Variants in SLC9A9 observed in about 807,000 individuals in gnomAD.
SLC9A9 encodes sodium/hydrogen exchanger 9.
SLC9A9 carries 62 observed loss-of-function variants against 77.8 expected under a neutral mutation model. The observed-to-expected ratio is 0.80, with a 90% CI of 0.65 to 0.98. The LOEUF is 0.98. SLC9A9 is among the 50% of genes least tolerant of loss of function. The pLI is 0.00. For synonymous variants in SLC9A9, 320 were observed against 283.5 expected (o/e 1.13, Z -1.29); for missense variants, 775 against 774.9 (o/e 1.00, Z 0.00).
intron 9 of SLC9A9, among the ~76,000 whole-genome samples, chr3:143,541,077 A>C (rs2036682347): frequency 6.6e-6 from 1 of 152,136 alleles, no homozygotes; most frequent in African/African-American, 2.4e-5. Flanking sequence ...CCCTTCCCCC[A>C]CCACCACTTC....
intron 6 of SLC9A9, among the ~76,000 whole-genome samples, chr3:143,613,120 G>T (rs1014643708): frequency 1.3e-5 from 2 of 152,160 alleles, no homozygotes; most frequent in African/African-American, 4.8e-5. Context: ...ATGGCAAACT[G>T]CTTTTAATAT....
At chr3:143,630,641 T>C (rs978815845) in intron 6 of SLC9A9, among the ~76,000 whole-genome samples, 7 of 152,308 alleles carry the variant, frequency 4.6e-5, no homozygotes, top group Non-Finnish European at 8.8e-5. Context: ...TTGAGTTTAC[T>C]AAGTGAAAAT....
intron 2 of SLC9A9, among the ~76,000 whole-genome samples, chr3:143,821,911 G>A (rs11918501): frequency 0.23 from 34,530 of 152,180 alleles, 4,041 homozygotes; most frequent in South Asian, 0.36. Context: ...GCGGGGGTCA[G>A]TGTGCCCGGC....
chr3:143,653,354 T>C (rs2038831876), intron 5 of SLC9A9, among the ~76,000 whole-genome samples: 1 of 152,156 alleles, frequency 6.6e-6, no homozygotes, highest in Admixed American at 6.5e-5. Flanking sequence ...TTAAGCAGAG[T>C]GTGAACAGCA....
In SLC9A9 at chr3:143,495,406, A is replaced by G. The variant is rs763300101; in HGVS notation, c.1132T>C (p.Cys378Arg). The G allele has an allele frequency of 1.2e-6, 2 of 1,614,108 alleles. No homozygotes were observed. The highest frequency in any genetic ancestry group is 1.7e-5 in the Admixed American group (1 of 60,008). ...GTGAACAGTGCCAGGCCCATGTAACAGAAGATGACGTTCTCCGCCAAAAAG... is the reference window on the plus strand; with the variant it reads ...GTGAACAGTGCCAGGCCCATGTAACGGAAGATGACGTTCTCCGCCAAAAAG... ...MNFLAENVIFCYMGLALFTFQ... is the reference protein window; with the variant it reads ...MNFLAENVIFRYMGLALFTFQ... The change falls in exon 10 of 16, where the codon TGT becomes CGT. Residue 378 changes from cysteine to arginine, a missense_variant. By Grantham distance (180) the Cys-to-Arg change is radical (BLOSUM62 -3). Transcript: ENST00000316549.
intron 6 of SLC9A9, among the ~76,000 whole-genome samples, chr3:143,618,818 T>C (rs902218485): frequency 3.3e-5 from 5 of 152,206 alleles, no homozygotes; most frequent in African/African-American, 7.2e-5. Context: ...AGCTATTTAT[T>C]TGAAGAAGAA....
At chr3:143,571,824 A>C (rs967978712) in intron 8 of SLC9A9, among the ~76,000 whole-genome samples, 2 of 152,194 alleles carry the variant, frequency 1.3e-5, no homozygotes, top group African/African-American at 4.8e-5. Context: ...TGCATGGCTT[A>C]TGTTATGAGT....
intron 13 of SLC9A9, among the ~76,000 whole-genome samples, chr3:143,374,984 G>A (rs1376230177): frequency 1.3e-5 from 2 of 152,016 alleles, no homozygotes; most frequent in Non-Finnish European, 2.9e-5. Flanking sequence ...CTAGATCCAT[G>A]AGTTCAATTG....
At chr3:143,820,869 T>C (rs1408069346) in intron 2 of SLC9A9, among the ~76,000 whole-genome samples, 1 of 152,160 alleles carries the variant, frequency 6.6e-6, no homozygotes, top group African/African-American at 2.4e-5. Flanking sequence ...CACTTCAGAA[T>C]ATACAGGAGC....
chr3:143,771,955 C>T (rs530166188), intron 4 of SLC9A9, among the ~76,000 whole-genome samples: 9 of 151,938 alleles, frequency 5.9e-5, no homozygotes, highest in African/African-American at 9.7e-5. Flanking sequence ...ATGCTCAGGA[C>T]GGTCAGAGGG....
At chr3:143,349,213 G>T (rs1294223086) in intron 14 of SLC9A9, among the ~76,000 whole-genome samples, 1 of 152,178 alleles carries the variant, frequency 6.6e-6, no homozygotes, top group Non-Finnish European at 1.5e-5. Flanking sequence ...CACTGAGCTG[G>T]AACAAAGTAA....
intron 1 of SLC9A9, among the ~76,000 whole-genome samples, chr3:143,843,888 A>G (rs2009767237): frequency 1.3e-5 from 2 of 152,194 alleles, no homozygotes; most frequent in Non-Finnish European, 1.5e-5. Context: ...AATTTAAATG[A>G]GTATCATTAT....
chr3:143,270,816 C>T (rs1427120569), intron 14 of SLC9A9, among the ~76,000 whole-genome samples: 2 of 152,176 alleles, frequency 1.3e-5, no homozygotes, highest in South Asian at 2.1e-4. Flanking sequence ...TAATGAACAC[C>T]CTTAAAAAAT....
intron 14 of SLC9A9, among the ~76,000 whole-genome samples, chr3:143,299,365 C>T (rs1341139394): frequency 1.3e-5 from 2 of 152,082 alleles, no homozygotes; most frequent in Non-Finnish European, 2.9e-5. Context: ...GGGCTGCTTG[C>T]TTTAATGGAC....
intron 9 of SLC9A9, among the ~76,000 whole-genome samples, chr3:143,521,985 A>G (rs920998652): frequency 5.9e-5 from 9 of 152,112 alleles, no homozygotes; most frequent in African/African-American, 2.2e-4. Flanking sequence ...TGAAGGTGAC[A>G]TCTTTGTGCT....
chr3:143,381,832 G>A lies in SLC9A9; in HGVS notation c.1524+228C>T. On this transcript the variant is annotated intron_variant, in intron 13 of 15. Coordinates refer to ENST00000316549, the MANE Select transcript of SLC9A9 (RefSeq NM_173653.4). ...ACTTTGTAAAGTTTCCAGACTTCCT[G>A]CTGCCATAGAGAGGCTTGCAAGTAC... 5.4e-6 allele frequency: 3 copies of A among 552,030 alleles called. No homozygotes were observed. In the South Asian group the frequency reaches 6.1e-5, roughly 11 times the overall value. The allele number at this position is 552,030 out of a possible 1,614,324, so 34.2% of individuals were successfully genotyped here. A position where few individuals can be genotyped will look rare whatever the true frequency, so the allele number is the denominator to read the frequency against.
chr3:143,403,723 G>A (rs1288924393), intron 12 of SLC9A9, among the ~76,000 whole-genome samples: 1 of 152,110 alleles, frequency 6.6e-6, no homozygotes, highest in Non-Finnish European at 1.5e-5. Flanking sequence ...GTTCTCTTGT[G>A]TGTGATGAAT....
chr3:143,350,022 A>T (rs1483528169), intron 14 of SLC9A9, among the ~76,000 whole-genome samples: 1 of 152,106 alleles, frequency 6.6e-6, no homozygotes, highest in Non-Finnish European at 1.5e-5. Context: ...TATAAATAGG[A>T]TTCTACCTGG....
chr3:143,342,059 G>A (rs1837784), intron 14 of SLC9A9, among the ~76,000 whole-genome samples: 81,839 of 151,874 alleles, frequency 0.54, 23,792 homozygotes, highest in African/African-American at 0.76. Context: ...CTCTGCTGCC[G>A]CCTCAGTAGG....
Sources: gnomAD v4.1 joint callset for allele counts (sites outside exome capture counted in the v4.1 genomes callset) on GRCh38, gnomAD v4.1.1 for gene constraint, MANE v1.5 for transcripts, NCBI Gene and HGNC (gene_info 2026-07-23, HGNC 2026-07-21) for gene names.